SMYD3: variants seen among roughly 807,000 people sequenced by gnomAD.
SMYD3 encodes the protein SET and MYND domain containing 3.
A neutral mutation model predicts 57.7 loss-of-function variants in SMYD3; 36 were observed. That is an observed-to-expected ratio of 0.62 (90% CI 0.48 to 0.82). SMYD3 has a LOEUF of 0.82. Among genes scored for constraint, SMYD3 ranks in the 40% least tolerant of loss-of-function variants. The pLI is 0.00. For missense variants in SMYD3, 515 were observed against 538.8 expected (o/e 0.96, Z 0.44); for synonymous variants, 211 against 195.0 (o/e 1.08, Z -0.68).
At chr1:246,477,676 C>T (rs1054561901) in intron 1 of SMYD3, among the ~76,000 whole-genome samples, 2 of 152,130 alleles carry the variant, frequency 1.3e-5, no homozygotes, top group African/African-American at 4.8e-5. Flanking sequence ...AATTAAAGCT[C>T]ATGGAATTTA....
chr1:245,822,585 C>T (rs1019035854), intron 10 of SMYD3, among the ~76,000 whole-genome samples: 4 of 151,482 alleles, frequency 2.6e-5, no homozygotes, highest in Non-Finnish European at 5.9e-5. Flanking sequence ...GCCAGCATGC[C>T]TCTAGTTGCT....
chr1:246,290,918 G>T (rs181185490), intron 5 of SMYD3, among the ~76,000 whole-genome samples: 7 of 152,088 alleles, frequency 4.6e-5, no homozygotes, highest in Admixed American at 2.6e-4. Flanking sequence ...AGCTCCTGAG[G>T]TTATATATTT....
At chr1:245,820,903 A>C (rs2049121280) in intron 10 of SMYD3, among the ~76,000 whole-genome samples, 1 of 151,476 alleles carries the variant, frequency 6.6e-6, no homozygotes, top group South Asian at 2.1e-4. Context: ...AGAGGATACA[A>C]ACAAATGGAA....
intron 5 of SMYD3, among the ~76,000 whole-genome samples, chr1:246,201,928 G>A (rs1292453828): frequency 2.0e-5 from 3 of 151,414 alleles, no homozygotes; most frequent in Admixed American, 6.6e-5. Context: ...CAGGAGAATC[G>A]CTTGCACCCG....
intron 1 of SMYD3, among the ~76,000 whole-genome samples, chr1:246,363,487 A>T (rs1262499104): frequency 6.6e-6 from 1 of 152,154 alleles, no homozygotes; most frequent in Non-Finnish European, 1.5e-5. Context: ...AAAGGGGGAA[A>T]GGTGGGGAAA....
intron 5 of SMYD3, chr1:245,955,784 A>C: frequency 3.8e-6 from 1 of 261,434 alleles, no homozygotes; most frequent in Non-Finnish European, 5.9e-6. Context: ...ATAAGGAGGC[A>C]CTAAGCAACA....
At chr1:245,870,173 C>T (rs1018973839) in intron 8 of SMYD3, among the ~76,000 whole-genome samples, 5 of 152,172 alleles carry the variant, frequency 3.3e-5, no homozygotes, top group Non-Finnish European at 7.3e-5. Context: ...TTAACTCCAC[C>T]ACAACAAAGA....
chr1:246,107,885 A>G (rs926630226), intron 5 of SMYD3, among the ~76,000 whole-genome samples: 5 of 152,256 alleles, frequency 3.3e-5, no homozygotes, highest in Admixed American at 6.5e-5. Flanking sequence ...TACACCACAG[A>G]GCCACAGGTT....
At chr1:246,289,794 C>T (rs1305860725) in intron 5 of SMYD3, among the ~76,000 whole-genome samples, 1 of 152,136 alleles carries the variant, frequency 6.6e-6, no homozygotes, top group African/African-American at 2.4e-5. Context: ...AGGTCCACAA[C>T]CATAATCCAG....
chr1:245,846,283 G>C (rs1043833965), intron 10 of SMYD3, among the ~76,000 whole-genome samples: 1 of 152,200 alleles, frequency 6.6e-6, no homozygotes, highest in Non-Finnish European at 1.5e-5. Flanking sequence ...CATCGCAGTA[G>C]ATCTGTGGCT....
At chr1:246,151,063 T>C (rs2061933983) in intron 5 of SMYD3, among the ~76,000 whole-genome samples, 1 of 152,108 alleles carries the variant, frequency 6.6e-6, no homozygotes, top group African/African-American at 2.4e-5. Context: ...CTGGCCAAGA[T>C]GGTGAAACCC....
At chr1:245,866,728 C>A (rs996555716) in intron 8 of SMYD3, among the ~76,000 whole-genome samples, 1 of 151,980 alleles carries the variant, frequency 6.6e-6, no homozygotes, top group African/African-American at 2.4e-5. Context: ...CGAGACTCTG[C>A]CTCAAAAAAA....
At chr1:246,225,085 A>G (rs763172142) in intron 5 of SMYD3, among the ~76,000 whole-genome samples, 5 of 151,906 alleles carry the variant, frequency 3.3e-5, no homozygotes, top group Admixed American at 6.6e-5. Context: ...GAGGGTATTT[A>G]AAGTCATAGA....
rs757092220 is a variant in SMYD3, at chr1:246,330,531, C to T, written c.343G>A (p.Gly115Arg). Residue 115 changes from glycine to arginine, a missense_variant, in exon 4 of 12, where the codon GGA becomes AGA. Physicochemically the swap from Gly to Arg is moderately radical, Grantham distance 125 (BLOSUM62 -2). Transcript: ENST00000490107. ...AGCTTCTCTGATTCTGAAGGTGCTC[C>T]ATCCATCTGTGAAGGAAAAGGGGAA... is the stretch of plus-strand genomic sequence containing the variant. Reference protein sequence around the residue: ...LGRVVFKLMDGAPSESEKLYS... With the variant: ...LGRVVFKLMDRAPSESEKLYS... The T allele has an allele frequency of 6.3e-7, 1 of 1,590,698 alleles. No homozygotes were observed. Among genetic ancestry groups the T allele is most frequent in the East Asian group, 2.3e-5 (1 of 44,276 alleles).
intron 5 of SMYD3, among the ~76,000 whole-genome samples, chr1:246,127,765 G>A (rs576893543): frequency 1.2e-4 from 18 of 152,086 alleles, no homozygotes; most frequent in East Asian, 1.9e-4. Context: ...GCATGATAGC[G>A]CGTGCCTGTA....
chr1:246,405,909 C>CAAAAA (rs372884120), intron 1 of SMYD3, among the ~76,000 whole-genome samples: 1 of 87,396 alleles, frequency 1.1e-5, no homozygotes. Context: ...GACTCTGTCT[C>CAAAAA]AAAAAAAAAA....
At chr1:246,232,571 A>G (rs1304387820) in intron 5 of SMYD3, among the ~76,000 whole-genome samples, 3 of 149,890 alleles carry the variant, frequency 2.0e-5, no homozygotes, top group Non-Finnish European at 4.4e-5. Flanking sequence ...GCGCTCCTCA[A>G]TTCACACTGT....
chr1:246,059,837 T>C (rs1178010161), intron 5 of SMYD3, among the ~76,000 whole-genome samples: 1 of 152,198 alleles, frequency 6.6e-6, no homozygotes, highest in Non-Finnish European at 1.5e-5. Context: ...ACAGTATTTG[T>C]TAAGCAAAAT....
intron 5 of SMYD3, among the ~76,000 whole-genome samples, chr1:246,029,679 AAAAAAAAAAAAG>A (rs1022889543): frequency 1.3e-5 from 2 of 151,132 alleles, no homozygotes; most frequent in Non-Finnish European, 2.9e-5. Flanking sequence ...CTCAGAAAAA[AAAAAAAAAAAAG>A]AAAGAAAAAG....
Sources: allele counts gnomAD v4.1 joint callset (sites outside exome capture counted in the v4.1 genomes callset), GRCh38; gene constraint gnomAD v4.1.1; transcripts MANE v1.5; gene names NCBI Gene and HGNC (gene_info 2026-07-23, HGNC 2026-07-21).